The following SOCS4 variants were observed in gnomAD, a reference collection of about 807,000 sequenced individuals.
The protein encoded by SOCS4 is suppressor of cytokine signaling 4.
Under a neutral mutation model 34.1 loss-of-function variants are expected in SOCS4, and 20 were observed. That is an observed-to-expected ratio of 0.59 (90% CI 0.41 to 0.85). The LOEUF (loss-of-function observed/expected upper bound fraction) is 0.85, where lower values mean the gene tolerates loss of function less well. Ranked by LOEUF, SOCS4 falls within the 40% of genes least tolerant of loss-of-function variation. The pLI is 0.00. For missense variants in SOCS4, 479 were observed against 532.4 expected (o/e 0.90, Z 0.99); for synonymous variants, 180 against 186.4 (o/e 0.97, Z 0.28).
At position 55,045,191 on chromosome 14, in the gene SOCS4, A is replaced by G. The variant is rs2042663949; in HGVS notation, c.*827A>G. The stretch of plus-strand genomic sequence containing the variant: ...AAGCTTTGAAAATAATGATAACACT[A>G]TTAGTAGCTAGTAGTTACTAAAGTG... On this transcript the variant is annotated 3_prime_UTR_variant, in exon 3 of 3. Transcript: ENST00000555846. 1.2e-5 allele frequency: 2 copies of G among 166,982 alleles called. No individual in the cohort carries two copies. The highest frequency in any genetic ancestry group is 4.8e-5 in the African/African-American group (2 of 41,440). The allele number at this position is 166,982 out of a possible 1,614,324, so 10.3% of individuals were successfully genotyped here.
chr14:55,036,453 C>T (rs1375328493), intron 2 of SOCS4, among the ~76,000 whole-genome samples: 2 of 151,796 alleles, frequency 1.3e-5, no homozygotes, highest in Non-Finnish European at 2.9e-5. Flanking sequence ...AAGTGATTCT[C>T]CTGCCTCAGC....
chr14:55,034,903 C>T (rs1433847100), intron 2 of SOCS4, among the ~76,000 whole-genome samples: 2 of 150,834 alleles, frequency 1.3e-5, no homozygotes, highest in African/African-American at 4.9e-5. Context: ...CTCTGTCGCC[C>T]AGGCTGGAGT....
chr14:55,046,215 T>C lies in SOCS4; in HGVS notation c.*1851T>C, dbSNP rs2042675094. 1.2e-5 allele frequency: 2 copies of C among 166,914 alleles called. No individual in the cohort carries two copies. Among genetic ancestry groups the C allele is most frequent in the African/African-American group, 4.8e-5 (2 of 41,458 alleles). 10.3% of individuals were successfully genotyped at this position (166,914 alleles called of 1,614,324 possible). ...GTTAGAAAAGTCTCATACTACCTCA[T>C]CTTTATTGTGGCGCTTTTGTAGATC... On this transcript the variant is annotated 3_prime_UTR_variant, in exon 3 of 3. Transcript: ENST00000555846.
Position 55,031,401 on chromosome 14 carries a change from A to C in SOCS4, c.-219-462A>C, listed in dbSNP as rs182094818. On this transcript the variant is annotated intron_variant, in intron 1 of 2. Transcript: ENST00000555846. ...AAAGGATTTATGGCAAAGTAAAGAC[A>C]GGAAGCTATGGTTTATGCAGATTTC... is the stretch of plus-strand genomic sequence containing the variant. 3.5e-3 allele frequency among the ~76,000 whole-genome samples: 540 copies of C among 152,338 alleles called. 3 individuals are homozygous for C. The highest frequency in any genetic ancestry group is 3.0e-3 in the Non-Finnish European group (204 of 68,018).
chr14:55,046,530 TTA>T lies in SOCS4; in HGVS notation c.*2170_*2171del, dbSNP rs1267506313. The T allele has an allele frequency of 1.2e-5, 2 of 166,494 alleles. No individual in the cohort carries two copies. The highest frequency in any genetic ancestry group is 4.8e-5 in the African/African-American group (2 of 41,404). 10.3% of individuals were successfully genotyped at this position (166,494 alleles called of 1,614,324 possible). On this transcript the variant is annotated 3_prime_UTR_variant, in exon 3 of 3. Coordinates refer to ENST00000555846, the MANE Select transcript of SOCS4 (RefSeq NM_199421.2). ...TCTTTTATAGTGTTAAAATTAGTAT[TTA>T]TATGAAAGTCAAGATCTAAGTACCT...
At position 55,027,257 on chromosome 14, in the gene SOCS4, A is replaced by T; in HGVS notation, c.-434A>T. 5.2e-6 allele frequency: 1 copy of T among 192,622 alleles called. No homozygotes were observed. The highest frequency in any genetic ancestry group is 1.1e-5 in the Non-Finnish European group (1 of 90,892). The allele number at this position is 192,622 out of a possible 1,614,324, so 11.9% of individuals were successfully genotyped here. On this transcript the variant is annotated 5_prime_UTR_variant, in exon 1 of 3. Coordinates refer to ENST00000555846, the MANE Select transcript of SOCS4 (RefSeq NM_199421.2). ...GAACACGGAAGTGGTGGCGGCGCCC[A>T]GGGAACCGGCGGAGGCGATGACCGT...
intron 1 of SOCS4, among the ~76,000 whole-genome samples, chr14:55,028,674 T>G (rs1431674449): frequency 6.6e-6 from 1 of 152,234 alleles, no homozygotes; most frequent in African/African-American, 2.4e-5. Context: ...GAGACTATGA[T>G]TGATGTCCAC....
chr14:55,041,289 A>G (rs977417908), intron 2 of SOCS4, among the ~76,000 whole-genome samples: 4 of 152,208 alleles, frequency 2.6e-5, no homozygotes, highest in African/African-American at 9.6e-5. Flanking sequence ...AAATCCCACT[A>G]CTTTGAAAAT....
At chr14:55,028,821 C>A (rs1026424900) in intron 1 of SOCS4, among the ~76,000 whole-genome samples, 1 of 152,180 alleles carries the variant, frequency 6.6e-6, no homozygotes, top group Non-Finnish European at 1.5e-5. Flanking sequence ...CTAACTGACA[C>A]ATTGTGTGAC....
chr14:55,043,072 A>C lies in SOCS4; in HGVS notation c.31A>C (p.Asn11His), dbSNP rs1303135127. ...AGAAAATAATGAAAATATTAGTAAA[A>C]ATGTAGATGTAAGGCCCAAAACTAG... MAENNENISK[N>H]VDVRPKTSRS... Residue 11 changes from asparagine (N) to histidine (H), a missense_variant, in exon 3 of 3, where the codon AAT becomes CAT. Asn to His is a moderately conservative substitution (Grantham distance 68, BLOSUM62 1). Transcript: ENST00000555846. 6.2e-7 allele frequency: 1 copy of C among 1,607,598 alleles called. No individual in the cohort carries two copies. Among genetic ancestry groups the C allele is most frequent in the East Asian group, 2.2e-5 (1 of 44,840 alleles).
intron 2 of SOCS4, among the ~76,000 whole-genome samples, chr14:55,042,616 A>G (rs1018058711): frequency 5.3e-5 from 8 of 152,084 alleles, no homozygotes; most frequent in Non-Finnish European, 1.0e-4. Context: ...TGGTAAGGAG[A>G]GATGAGCATA....
At chr14:55,038,832 T>C (rs936420303) in intron 2 of SOCS4, among the ~76,000 whole-genome samples, 1 of 152,244 alleles carries the variant, frequency 6.6e-6, no homozygotes, top group Non-Finnish European at 1.5e-5. Context: ...TCCTGAATTG[T>C]ACCTGCTCTG....
chr14:55,035,614 T>C (rs982653243), intron 2 of SOCS4, among the ~76,000 whole-genome samples: 18 of 152,172 alleles, frequency 1.2e-4, no homozygotes, highest in African/African-American at 4.3e-4. Context: ...AAACAACATA[T>C]GTAATCTTTG....
chr14:55,037,884 A>G (rs903673518), intron 2 of SOCS4, among the ~76,000 whole-genome samples: 16 of 152,056 alleles, frequency 1.1e-4, no homozygotes, highest in Admixed American at 6.5e-5. Context: ...TACTCTTTCC[A>G]TGGTTATTGC....
At position 55,033,259 on chromosome 14, in the gene SOCS4, C is replaced by G. The variant is rs1566753270; in HGVS notation, c.-91+1268C>G. 2.0e-5 allele frequency among the ~76,000 whole-genome samples: 3 copies of G among 152,162 alleles called. No homozygotes were observed. In the East Asian group the frequency reaches 5.8e-4, roughly 29 times the overall value. ...CTTCATAACAATAAAAATAATTTTTCTCTCACTAAAATTAAGTTATTTTTA... is the reference window on the plus strand; with the variant it reads ...CTTCATAACAATAAAAATAATTTTTGTCTCACTAAAATTAAGTTATTTTTA... On this transcript the variant is annotated intron_variant, in intron 2 of 2. Transcript: ENST00000555846.
chr14:55,042,862 CT>C, intron 2 of SOCS4, 89 bp from the exon 3 acceptor site: 1 of 572,110 alleles, frequency 1.7e-6, no homozygotes, highest in Non-Finnish European at 3.0e-6. Context: ...ACTAACTGTG[CT>C]TTTCCCTCTT....
At chr14:55,040,170 G>A (rs1474772532) in intron 2 of SOCS4, among the ~76,000 whole-genome samples, 1 of 152,190 alleles carries the variant, frequency 6.6e-6, no homozygotes, top group Non-Finnish European at 1.5e-5. Context: ...AATTTTGGCT[G>A]TGCTAAGTGA....
intron 2 of SOCS4, among the ~76,000 whole-genome samples, chr14:55,035,140 C>T (rs750076480): frequency 2.6e-5 from 4 of 152,194 alleles, no homozygotes; most frequent in Non-Finnish European, 5.9e-5. Context: ...GGATTACAGA[C>T]ATGAGCCACC....
chr14:55,027,413 A>C lies in SOCS4; in HGVS notation c.-278A>C, dbSNP rs1037067114. ...TCCACTTAAGCAAGCGCCCAGACTG[A>C]TGGCGATGGTGATGGCAGCAGTTAC... On this transcript the variant is annotated 5_prime_UTR_variant, in exon 1 of 3. An upstream start codon of the reference 5' UTR is lost. Coordinates refer to ENST00000555846, the MANE Select transcript of SOCS4 (RefSeq NM_199421.2). The C allele has an allele frequency of 1.9e-5, 3 of 153,882 alleles. No homozygotes were observed. The highest frequency in any genetic ancestry group is 7.2e-5 in the African/African-American group (3 of 41,462). The allele number at this position is 153,882 out of a possible 1,614,324, so 9.5% of individuals were successfully genotyped here.
Sources: gnomAD v4.1 joint callset for allele counts (sites outside exome capture counted in the v4.1 genomes callset) on GRCh38, gnomAD v4.1.1 for gene constraint, MANE v1.5 for transcripts, NCBI Gene and HGNC (gene_info 2026-07-23, HGNC 2026-07-21) for gene names.